The following EXOC6 variants were observed in gnomAD, a reference collection of about 807,000 sequenced individuals.
EXOC6 encodes exocyst complex component 6, also known as SEC15-like 1.
EXOC6 carries 60 observed loss-of-function variants against 112.5 expected under a neutral mutation model. The ratio of observed to expected loss-of-function variants is 0.53; its 90% CI spans 0.43 to 0.66. The LOEUF is 0.66. Ranked by LOEUF, EXOC6 falls within the 30% of genes least tolerant of loss-of-function variation. EXOC6 has a pLI of 0.00. For missense variants in EXOC6, 855 were observed against 957.1 expected, an observed-to-expected ratio of 0.89 and a Z score of 1.41; for synonymous variants, 295 against 308.0, an observed-to-expected ratio of 0.96 and a Z score of 0.44.
chr10:92,995,379 A>G (rs1843442273), intron 18 of EXOC6, among the ~76,000 whole-genome samples: 1 of 150,284 alleles, frequency 6.7e-6, no homozygotes, highest in African/African-American at 2.5e-5. Context: ...AATACCACTT[A>G]TATTGTACAG....
chr10:92,875,490 C>T (rs892469356), intron 1 of EXOC6, among the ~76,000 whole-genome samples: 2 of 152,042 alleles, frequency 1.3e-5, no homozygotes, highest in African/African-American at 4.8e-5. Flanking sequence ...TTGAATATAG[C>T]CCTAATTAGA....
intron 13 of EXOC6, among the ~76,000 whole-genome samples, chr10:92,943,056 C>T (rs1852758396): frequency 6.6e-6 from 1 of 150,682 alleles, no homozygotes. Context: ...GAGTCTTGCA[C>T]TGTCACCTGT....
At chr10:92,987,138 T>C (rs1396034354) in intron 18 of EXOC6, among the ~76,000 whole-genome samples, 1 of 152,244 alleles carries the variant, frequency 6.6e-6, no homozygotes, top group Non-Finnish European at 1.5e-5. Context: ...TAAAATCATC[T>C]GTGGGAAGAG....
At chr10:92,845,187 T>A (rs573924031), upstream of EXOC6, among the ~76,000 whole-genome samples, 1 of 152,302 alleles carries the variant, frequency 6.6e-6, no homozygotes, top group East Asian at 1.9e-4. Flanking sequence ...AAAAAATAAT[T>A]CCACATGCAT....
chr10:92,992,058 G>T (rs946569060), intron 18 of EXOC6, among the ~76,000 whole-genome samples: 1 of 152,032 alleles, frequency 6.6e-6, no homozygotes, highest in African/African-American at 2.4e-5. Flanking sequence ...TTTGTCTTCA[G>T]GTGGGCCGAT....
intron 6 of EXOC6, among the ~76,000 whole-genome samples, chr10:92,911,463 C>T (rs1850758003): frequency 6.6e-6 from 1 of 152,186 alleles, no homozygotes; most frequent in South Asian, 2.1e-4. Context: ...GTTTAAAGTT[C>T]ATATTCCATT....
intron 1 of EXOC6, among the ~76,000 whole-genome samples, chr10:92,858,875 C>T (rs910865851): frequency 6.6e-6 from 1 of 152,184 alleles, no homozygotes; most frequent in Non-Finnish European, 1.5e-5. Flanking sequence ...AAGCAATTCT[C>T]CTGTCTCAGC....
chr10:92,941,764 T>G (rs541448534), intron 13 of EXOC6, among the ~76,000 whole-genome samples: 8 of 152,234 alleles, frequency 5.3e-5, no homozygotes, highest in African/African-American at 1.9e-4. Flanking sequence ...TAACCACTTA[T>G]CTGCAGGCCA....
At chr10:92,865,980 G>A (rs553733256) in intron 1 of EXOC6, among the ~76,000 whole-genome samples, 89 of 152,204 alleles carry the variant, frequency 5.8e-4, no homozygotes, top group African/African-American at 2.1e-3. Context: ...TGAGTAGGCT[G>A]AGGAGGAGAT....
At chr10:92,893,595 C>T in intron 2 of EXOC6, 75 bp downstream of exon 2, 1 of 1,208,220 alleles carries the variant, frequency 8.3e-7, no homozygotes, top group South Asian at 1.5e-5. Context: ...TACATATGTA[C>T]AAGTCATTAT....
chr10:92,871,518 AATC>A (rs1848444218), intron 1 of EXOC6, among the ~76,000 whole-genome samples: 3 of 149,926 alleles, frequency 2.0e-5, no homozygotes, highest in Non-Finnish European at 4.5e-5. Flanking sequence ...AAAAAAAAAA[AATC>A]ATAGGCCAGT....
At chr10:93,054,197 A>G (rs1355822698) in intron 20 of EXOC6, among the ~76,000 whole-genome samples, 1 of 152,164 alleles carries the variant, frequency 6.6e-6, no homozygotes, top group Admixed American at 6.5e-5. Flanking sequence ...CTATCTTACA[A>G]TGTAAGCTCC....
At chr10:93,009,785 G>A (rs1011316249) in intron 19 of EXOC6, among the ~76,000 whole-genome samples, 2 of 152,236 alleles carry the variant, frequency 1.3e-5, no homozygotes, top group African/African-American at 4.8e-5. Context: ...AAACTAAGGT[G>A]CCCCTAGGGA....
At chr10:92,974,860 A>C (rs200942475) in intron 18 of EXOC6, among the ~76,000 whole-genome samples, 4,593 of 152,106 alleles carry the variant, frequency 0.03, 167 homozygotes, top group East Asian at 0.15. Context: ...AGTCTGGTTC[A>C]CTCAGTGCTC....
At chr10:92,859,290 G>A (rs1433903503) in intron 1 of EXOC6, among the ~76,000 whole-genome samples, 1 of 152,158 alleles carries the variant, frequency 6.6e-6, no homozygotes, top group Non-Finnish European at 1.5e-5. Context: ...CTCACAGTGG[G>A]AAGTCTCTGA....
intron 1 of EXOC6, among the ~76,000 whole-genome samples, chr10:92,858,987 A>G (rs1847762334): frequency 6.6e-6 from 1 of 151,534 alleles, no homozygotes; most frequent in Admixed American, 6.6e-5. Context: ...CTGGTCTTGA[A>G]CTCCTGACCT....
intron 9 of EXOC6, among the ~76,000 whole-genome samples, chr10:92,930,550 C>G (rs966581087): frequency 6.6e-6 from 1 of 151,164 alleles, no homozygotes; most frequent in Non-Finnish European, 1.5e-5. Context: ...TGAAATCATA[C>G]AAAGTCTATC....
chr10:93,006,186 A>T (rs1193723160), intron 19 of EXOC6, among the ~76,000 whole-genome samples: 1 of 150,878 alleles, frequency 6.6e-6, no homozygotes, highest in Non-Finnish European at 1.5e-5. Flanking sequence ...AAGAAAGCTT[A>T]GCCAAAAAAG....
chr10:92,990,294 A>C (rs917875869), intron 18 of EXOC6, among the ~76,000 whole-genome samples: 3 of 152,312 alleles, frequency 2.0e-5, no homozygotes, highest in African/African-American at 7.2e-5. Flanking sequence ...GTTCTGGCTA[A>C]TCTTGGTGAG....
Sources: gnomAD v4.1 joint callset for allele counts (sites outside exome capture counted in the v4.1 genomes callset) on GRCh38, gnomAD v4.1.1 for gene constraint, MANE v1.5 for transcripts, NCBI Gene and HGNC (gene_info 2026-07-23, HGNC 2026-07-21) for gene names.